DIDO1: variants seen among roughly 807,000 people sequenced by gnomAD.
DIDO1 encodes the protein death-inducer obliterator 1.
In DIDO1, 16 loss-of-function variants were observed where a neutral mutation model predicts 99.4. That is an observed-to-expected ratio of 0.16 (90% confidence interval 0.11 to 0.24). The LOEUF (loss-of-function observed/expected upper bound fraction) is 0.24. Ranked by LOEUF, DIDO1 falls within the 10% of genes least tolerant of loss-of-function variation. DIDO1 has a pLI of 1.00. For synonymous variants in DIDO1, 1,366 were observed against 1,239.1 expected, an observed-to-expected ratio of 1.10 and a Z score of -2.15; for missense variants, 2,996 against 3,014.0, an observed-to-expected ratio of 0.99 and a Z score of 0.14.
upstream of DIDO1, among the ~76,000 whole-genome samples, chr20:62,931,142 T>A (rs536829078): frequency 4.2e-4 from 64 of 152,304 alleles, no homozygotes; most frequent in African/African-American, 1.5e-3. Flanking sequence ...GGTTTCACTA[T>A]GTTGCCCAGG....
chr20:62,890,723 G>C lies in DIDO1; in HGVS notation c.3541+237C>G, dbSNP rs566853896. The C allele has an allele frequency of 6.1e-5, 84 of 1,377,846 alleles. No homozygotes were observed. The African/African-American group carries it at 7.9e-4, about 13-fold the overall frequency. The allele number at this position is 1,377,846 out of a possible 1,614,324, so 85.4% of individuals were successfully genotyped here. ...CAAGATGAGCTGGTTGCAGGCTGTGGGTTTTTCCCTCTCTAAAAAACTCTC... is the reference window on the plus strand; with the variant it reads ...CAAGATGAGCTGGTTGCAGGCTGTGCGTTTTTCCCTCTCTAAAAAACTCTC... On this transcript the variant is annotated intron_variant, in intron 15 of 15. Coordinates refer to ENST00000395343, the MANE Select transcript of DIDO1 (RefSeq NM_001193369.2).
At chr20:62,905,277 A>T (rs1333727904) in intron 6 of DIDO1, 1 of 1,370,676 alleles carries the variant, frequency 7.3e-7, no homozygotes, top group Non-Finnish European at 9.4e-7. Flanking sequence ...ATGAAGCAGG[A>T]GTGTGTGGCC....
At chr20:62,902,764 T>C (rs1037044619) in intron 6 of DIDO1, among the ~76,000 whole-genome samples, 1 of 152,242 alleles carries the variant, frequency 6.6e-6, no homozygotes, top group South Asian at 2.1e-4. Context: ...AGCATCTGGA[T>C]TTGGGTTTAC....
At chr20:62,904,952 C>T (rs932327245) in intron 6 of DIDO1, 77 of 972,132 alleles carry the variant, frequency 7.9e-5, no homozygotes, top group Non-Finnish European at 9.4e-5. Flanking sequence ...TTTAACCTTT[C>T]GGTGCTTTTT....
At chr20:62,889,881 T>C (rs969663174) in intron 15 of DIDO1, 11 of 985,362 alleles carry the variant, frequency 1.1e-5, no homozygotes, top group Non-Finnish European at 1.2e-5. Context: ...CCAATCCCTT[T>C]ATGGACATAT....
chr20:62,899,952 G>C (rs1420447627), intron 6 of DIDO1, among the ~76,000 whole-genome samples: 1 of 152,246 alleles, frequency 6.6e-6, no homozygotes. Context: ...TTTTAGTGGA[G>C]CTAAAATTCA....
chr20:62,925,814 A>G (rs1258612319), intron 1 of DIDO1, among the ~76,000 whole-genome samples: 7 of 152,198 alleles, frequency 4.6e-5, no homozygotes, highest in Non-Finnish European at 5.9e-5. Context: ...AACCAACGCA[A>G]CAAACTATTC....
Position 62,880,958 on chromosome 20 carries a change from G to A in DIDO1, c.4998C>T (p.Gly1666=). 3 of 1,606,898 alleles carry A rather than the reference G, an allele frequency of 1.9e-6. No individual in the cohort carries two copies. Among genetic ancestry groups the A allele is most frequent in the East Asian group, 2.2e-5 (1 of 44,854 alleles). The change falls in exon 16 of 16, where the codon GGC becomes GGT. Residue 1666 remains glycine, a synonymous_variant. Transcript: ENST00000395343. Reference sequence around the variant, plus strand: ...GCAGCGGGAAGCCGGGCTGCAGGGCGCCGCAAGGCGGTGTGGGCAGCAGCA... The same window carrying A: ...GCAGCGGGAAGCCGGGCTGCAGGGCACCGCAAGGCGGTGTGGGCAGCAGCA... ...RRVLLPTPPC[G]ALQPGFPLQH...
intron 6 of DIDO1, among the ~76,000 whole-genome samples, chr20:62,897,870 G>A (rs1310049071): frequency 6.6e-6 from 1 of 152,208 alleles, no homozygotes. Flanking sequence ...CCGCATGCCG[G>A]GGCAGGGATC....
intron 1 of DIDO1, among the ~76,000 whole-genome samples, chr20:62,920,964 G>A (rs1448725201): frequency 6.6e-6 from 1 of 152,232 alleles, no homozygotes; most frequent in Non-Finnish European, 1.5e-5. Flanking sequence ...CACGATCTCA[G>A]CTCACTGCAA....
In DIDO1 at chr20:62,882,130, G is replaced by A; in HGVS notation, c.3826C>T (p.Leu1276=). Reference sequence around the variant, plus strand: ...GGGGCTGCAGGTTTGAGGGATGACAGCACTTTTAGCACCGGTGGTTCTGGA... The same window carrying A: ...GGGGCTGCAGGTTTGAGGGATGACAACACTTTTAGCACCGGTGGTTCTGGA... The part of the protein sequence containing the change: ...PLPEPPVLKV[L]SSLKPAAPSP... Residue 1276 remains leucine (L), a synonymous_variant, in exon 16 of 16, where the codon CTG becomes TTG. Coordinates refer to ENST00000395343, the MANE Select transcript of DIDO1 (RefSeq NM_001193369.2). 6.2e-7 allele frequency: 1 copy of A among 1,613,198 alleles called. No homozygotes were observed. The highest frequency in any genetic ancestry group is 2.2e-5 in the East Asian group (1 of 44,882).
upstream of DIDO1, among the ~76,000 whole-genome samples, chr20:62,930,410 G>A (rs1047479856): frequency 3.3e-5 from 5 of 152,160 alleles, no homozygotes; most frequent in Admixed American, 6.5e-5. Context: ...AAGGGGAACC[G>A]GCAAGATGGA....
upstream of DIDO1, among the ~76,000 whole-genome samples, chr20:62,929,692 A>AATATATATATATATATATATATATATAT: frequency 1.1e-4 from 7 of 63,732 alleles, no homozygotes; most frequent in South Asian, 1.7e-3. Context: ...AAAAAGAAAA[A>AATATATATATATATATATATATATATAT]GTGTATATAT....
chr20:62,911,054 G>T lies in DIDO1; in HGVS notation c.559C>A (p.Arg187Ser). The T allele has an allele frequency of 6.2e-7, 1 of 1,613,662 alleles. No homozygotes were observed. Among genetic ancestry groups the T allele is most frequent in the Non-Finnish European group, 8.5e-7 (1 of 1,180,006 alleles). The change falls in exon 3 of 16, where the codon CGC (arginine) becomes AGC (serine). Residue 187 changes from arginine (R) to serine (S), a missense_variant. This residue lies in a region of DIDO1 where 388 missense variants were observed against 376.6 expected (regional missense o/e 1.03). Transcript: ENST00000395343. The surrounding 1 kb of genome is among the most constrained non-coding windows in gnomAD (Gnocchi z 7.0). The stretch of plus-strand genomic sequence containing the variant: ...TCCTCCCGGCGCTTCTTCCGCAGGC[G>T]ACTCTGGATCCCTTTCAGGGGCCTC... ...TERPLKGIQS[R>S]LRKKRREEGP...
In DIDO1 at chr20:62,919,272, G is replaced by T. The variant is rs181190135; in HGVS notation, c.-199-4866C>A. 6.7e-4 allele frequency among the ~76,000 whole-genome samples: 102 copies of T among 152,314 alleles called. 1 individual carries two copies. Among genetic ancestry groups the T allele is most frequent in the African/African-American group, 2.0e-3 (84 of 41,576 alleles). ...CATTACAAAAATTATTCTGGGCCGGGTGCGGTGGCTCATGCCTGCACTTCG... is the reference window on the plus strand; with the variant it reads ...CATTACAAAAATTATTCTGGGCCGGTTGCGGTGGCTCATGCCTGCACTTCG... On this transcript the variant is annotated intron_variant, in intron 1 of 15. Coordinates refer to ENST00000395343, the MANE Select transcript of DIDO1 (RefSeq NM_001193369.2).
In DIDO1 at chr20:62,880,787, T is replaced by C; in HGVS notation, c.5169A>G (p.Arg1723=). The change falls in exon 16 of 16, where the codon AGA becomes AGG. Residue 1723 remains arginine, a synonymous_variant. Coordinates refer to ENST00000395343, the MANE Select transcript of DIDO1 (RefSeq NM_001193369.2). ...CCTCGCCGGGTCTGGCCTGTGGCTC[T>C]CTGTCCCCCTCTGTTTCACCTGCAG... is the stretch of plus-strand genomic sequence containing the variant. ...SSPAGETEGD[R]EPQARPGEGT... The C allele has an allele frequency of 6.2e-7, 1 of 1,612,572 alleles. No homozygotes were observed.
rs528040269 is a variant in DIDO1, at chr20:62,897,921, C to G, written c.1589-925G>C. On this transcript the variant is annotated intron_variant, in intron 6 of 15. Coordinates refer to ENST00000395343, the MANE Select transcript of DIDO1 (RefSeq NM_001193369.2). ...AGTGAAACGCCTGGGGAATAGGGGG[C>G]CCCCATGAGGGCCCCAGGATGGCAG... Among the ~76,000 whole-genome samples, 6 of 152,250 alleles carry G rather than the reference C, an allele frequency of 3.9e-5. No individual in the cohort carries two copies. The South Asian group carries it at 1.2e-3, about 32-fold the overall frequency.
intron 6 of DIDO1, chr20:62,904,902 GA>G: frequency 1.2e-6 from 1 of 851,470 alleles, no homozygotes; most frequent in Non-Finnish European, 1.4e-6. Flanking sequence ...CTGACGACGG[GA>G]AAGTGGGGCA....
chr20:62,906,645 G>A (rs1045831412), intron 5 of DIDO1, among the ~76,000 whole-genome samples: 2 of 152,146 alleles, frequency 1.3e-5, no homozygotes, highest in African/African-American at 2.4e-5. Context: ...CACAGCCACC[G>A]CCGCCTGAGC....
Sources: gnomAD v4.1 joint callset for allele counts (sites outside exome capture counted in the v4.1 genomes callset) on GRCh38, gnomAD v4.1.1 for gene constraint, gnomAD v4.1.1 regional missense constraint, Gnocchi (gnomAD v3.1) non-coding constraint, MANE v1.5 for transcripts, NCBI Gene and HGNC (gene_info 2026-07-23, HGNC 2026-07-21) for gene names.